The following SORCS2 variants were observed in gnomAD, a reference collection of about 807,000 sequenced individuals.
The protein encoded by SORCS2 is sortilin related VPS10 domain containing receptor 2.
In SORCS2, 100 loss-of-function variants were observed where a neutral mutation model predicts 141.6. The ratio of observed to expected loss-of-function variants is 0.71; its 90% confidence interval spans 0.60 to 0.83. The LOEUF (loss-of-function observed/expected upper bound fraction) is 0.83. SORCS2 is among the 40% of genes least tolerant of loss of function. The probability of loss-of-function intolerance (pLI) is 0.00; values close to 1 mark genes in which losing one functional copy is unlikely to be tolerated. For synonymous variants in SORCS2, 789 were observed against 676.9 expected, an observed-to-expected ratio of 1.17 and a Z score of -2.57; for missense variants, 1,646 against 1,560.2, an observed-to-expected ratio of 1.05 and a Z score of -0.93.
At chr4:7,397,264 T>G (rs1356978193) in intron 2 of SORCS2, among the ~76,000 whole-genome samples, 3 of 152,178 alleles carry the variant, frequency 2.0e-5, no homozygotes, top group African/African-American at 7.2e-5. Context: ...GAGGGATTTC[T>G]GCAATGCTCT....
intron 2 of SORCS2, among the ~76,000 whole-genome samples, chr4:7,435,448 GC>G (rs1727237053): frequency 6.6e-6 from 1 of 152,252 alleles, no homozygotes; most frequent in South Asian, 2.1e-4. Context: ...CTGGGGTTCT[GC>G]CCCTGGCTGT....
chr4:7,729,578 T>G lies in SORCS2; in HGVS notation c.2983-9T>G, dbSNP rs1560118579. ...CAGGCGGACCAAAGTGGCTTAACTC[T>G]CCCCGCAGGAGACCAGCGTCCCTCA... On this transcript the variant is annotated splice_polypyrimidine_tract_variant and intron_variant, in intron 22 of 26. Transcript: ENST00000507866. 2.5e-6 allele frequency: 4 copies of G among 1,575,640 alleles called. No homozygotes were observed. The highest frequency in any genetic ancestry group is 3.4e-6 in the Non-Finnish European group (4 of 1,160,952).
intron 3 of SORCS2, among the ~76,000 whole-genome samples, chr4:7,627,762 T>G (rs1364718771): frequency 6.6e-6 from 1 of 152,248 alleles, no homozygotes; most frequent in Non-Finnish European, 1.5e-5. Flanking sequence ...AGGTTTCAGA[T>G]CAACTCGTTT....
intron 3 of SORCS2, among the ~76,000 whole-genome samples, chr4:7,599,497 A>G (rs1424166551): frequency 6.6e-6 from 1 of 152,142 alleles, no homozygotes; most frequent in Non-Finnish European, 1.5e-5. Context: ...TCAAAGGGGA[A>G]GTTGGATAAC....
chr4:7,388,055 C>T (rs544251310), intron 1 of SORCS2, among the ~76,000 whole-genome samples: 9 of 149,208 alleles, frequency 6.0e-5, no homozygotes, highest in Admixed American at 2.0e-4. Context: ...CACATGCACA[C>T]ACATACAGTT....
At chr4:7,597,962 C>CTTT (rs902858065) in intron 3 of SORCS2, among the ~76,000 whole-genome samples, 9 of 91,504 alleles carry the variant, frequency 9.8e-5, no homozygotes, top group Non-Finnish European at 1.8e-4. Flanking sequence ...TTCAGCTAAT[C>CTTT]TTTTTTTTTT....
chr4:7,374,204 A>G (rs564369963), intron 1 of SORCS2, among the ~76,000 whole-genome samples: 37 of 119,832 alleles, frequency 3.1e-4, no homozygotes, highest in African/African-American at 1.1e-3. Context: ...TCTTTTTTGC[A>G]GAGAGACGTT....
At chr4:7,637,392 T>TC (rs1560445049) in intron 3 of SORCS2, among the ~76,000 whole-genome samples, 5 of 152,176 alleles carry the variant, frequency 3.3e-5, no homozygotes, top group African/African-American at 1.2e-4. Flanking sequence ...CCCGTCACTC[T>TC]CTCCCCGTCC....
chr4:7,478,434 C>T (rs1406073678), intron 2 of SORCS2, among the ~76,000 whole-genome samples: 1 of 152,098 alleles, frequency 6.6e-6, no homozygotes, highest in East Asian at 1.9e-4. Context: ...CCACCCGTAC[C>T]TCAGCTGCCT....
intron 3 of SORCS2, among the ~76,000 whole-genome samples, chr4:7,619,874 A>G (rs1427621823): frequency 6.6e-6 from 1 of 152,168 alleles, no homozygotes; most frequent in Non-Finnish European, 1.5e-5. Context: ...GTGAAACGCC[A>G]GGATGTTGCC....
At chr4:7,363,547 G>A (rs1394510921) in intron 1 of SORCS2, among the ~76,000 whole-genome samples, 3 of 1,934 alleles carry the variant, frequency 1.6e-3, no homozygotes, top group Non-Finnish European at 2.0e-3. Flanking sequence ...TACCATCACC[G>A]TCACCATAAC....
chr4:7,703,472 G>A (rs1483788607), intron 13 of SORCS2, 101 bp downstream of exon 13: 15 of 896,936 alleles, frequency 1.7e-5, no homozygotes, highest in African/African-American at 3.4e-5. Context: ...TCCTCCCCTC[G>A]GGGACACATG....
At chr4:7,381,409 T>C (rs984221916) in intron 1 of SORCS2, among the ~76,000 whole-genome samples, 7 of 152,188 alleles carry the variant, frequency 4.6e-5, no homozygotes, top group African/African-American at 1.7e-4. Context: ...CACGCAGTGT[T>C]AGAGGCCAGC....
chr4:7,632,368 C>A (rs1415861682), intron 3 of SORCS2, among the ~76,000 whole-genome samples: 1 of 152,176 alleles, frequency 6.6e-6, no homozygotes, highest in Non-Finnish European at 1.5e-5. Flanking sequence ...TAAAAATACA[C>A]CATTTAAAAT....
At chr4:7,521,392 C>G (rs890268741) in intron 2 of SORCS2, among the ~76,000 whole-genome samples, 25 of 152,186 alleles carry the variant, frequency 1.6e-4, no homozygotes, top group African/African-American at 5.8e-4. Context: ...ACCCACCTCG[C>G]TGGCGCCTGA....
intron 2 of SORCS2, among the ~76,000 whole-genome samples, chr4:7,501,681 T>C (rs7654337): frequency 0.58 from 88,202 of 151,626 alleles, 26,777 homozygotes; most frequent in East Asian, 0.95. Flanking sequence ...TTGGTCTCAT[T>C]GTCCCTGTGT....
intron 2 of SORCS2, among the ~76,000 whole-genome samples, chr4:7,461,652 C>T (rs1168082795): frequency 2.0e-5 from 3 of 152,136 alleles, no homozygotes; most frequent in African/African-American, 7.2e-5. Flanking sequence ...GCTGGGGTGA[C>T]AGAGAAAACC....
rs1036156942 is a variant in SORCS2 at position 7,540,728 on chromosome 4, C to T, written c.648+9099C>T. The stretch of plus-strand genomic sequence containing the variant: ...GGGGAGACAGAGTGGGGAGAACAGG[C>T]TTTACGGAGACTCAACCCCAGGTTC... On this transcript the variant is annotated intron_variant, in intron 3 of 26. Transcript: ENST00000507866. 7.4e-4 allele frequency among the ~76,000 whole-genome samples: 113 copies of T among 152,318 alleles called. 3 individuals carry two copies. The highest frequency in any genetic ancestry group is 3.4e-3 in the Middle Eastern group (1 of 294).
chr4:7,376,172 T>C (rs1051299948), intron 1 of SORCS2, among the ~76,000 whole-genome samples: 16 of 152,198 alleles, frequency 1.1e-4, no homozygotes, highest in African/African-American at 2.4e-4. Context: ...TCTGCTTCTG[T>C]GTGCCATGGG....
Sources: gnomAD v4.1 joint callset for allele counts (sites outside exome capture counted in the v4.1 genomes callset) on GRCh38, gnomAD v4.1.1 for gene constraint, MANE v1.5 for transcripts, NCBI Gene and HGNC (gene_info 2026-07-23, HGNC 2026-07-21) for gene names.